CADM2: variants seen among roughly 807,000 people sequenced by gnomAD.
The protein encoded by CADM2 is cell adhesion molecule 2, also known as immunoglobulin superfamily member 4D.
Under a neutral mutation model 49.8 loss-of-function variants are expected in CADM2, and 12 were observed. That is an observed-to-expected ratio of 0.24 (90% CI 0.15 to 0.39). CADM2 has a LOEUF of 0.39. CADM2 is among the 10% of genes least tolerant of loss of function. CADM2 has a pLI of 1.00. For synonymous variants in CADM2, 214 were observed against 175.4 expected (o/e 1.22, Z -1.74); for missense variants, 378 against 492.3 (o/e 0.77, Z 2.20).
rs563359405 is a variant in CADM2 at position 85,079,790 on chromosome 3, G to T, written c.61+120122G>T. ...TAATTAAAATACCTTTAAATTTTAC[G>T]TATATTTGTTATATTAAGACTTACT... On this transcript the variant is annotated intron_variant, in intron 1 of 9. Transcript: ENST00000383699. 5.3e-5 allele frequency among the ~76,000 whole-genome samples: 8 copies of T among 151,838 alleles called. 1 individual carries two copies. The South Asian group carries it at 6.2e-4, about 12-fold the overall frequency.
chr3:85,331,876 A>C (rs1181931367), intron 1 of CADM2, among the ~76,000 whole-genome samples: 1 of 152,054 alleles, frequency 6.6e-6, no homozygotes, highest in African/African-American at 2.4e-5. Flanking sequence ...CCAGTGTATA[A>C]AACCCAGTTA....
chr3:86,038,204 C>G (rs962139452), intron 8 of CADM2, among the ~76,000 whole-genome samples: 10 of 152,134 alleles, frequency 6.6e-5, no homozygotes, highest in African/African-American at 2.4e-4. Flanking sequence ...ACAAAAACTA[C>G]ATTGTTTTCT....
intron 1 of CADM2, among the ~76,000 whole-genome samples, chr3:85,601,218 A>G (rs1423615118): frequency 2.8e-5 from 4 of 145,372 alleles, no homozygotes; most frequent in African/African-American, 1.0e-4. Flanking sequence ...CAAGTGGAAT[A>G]CATGAGGAAT....
At chr3:85,145,349 T>A (rs2107635774) in intron 1 of CADM2, among the ~76,000 whole-genome samples, 1 of 152,302 alleles carries the variant, frequency 6.6e-6, no homozygotes, top group Non-Finnish European at 1.5e-5. Context: ...TCTAATTCCA[T>A]CTATCCATCC....
In CADM2 at chr3:85,291,851, C is replaced by T. The variant is rs1054283963; in HGVS notation, c.61+332183C>T. Reference sequence around the variant, plus strand: ...GCAAAATCATGCCAAAATGTAAAGACCATCGAGACTAGGAAGAAACTGCAT... The same window carrying T: ...GCAAAATCATGCCAAAATGTAAAGATCATCGAGACTAGGAAGAAACTGCAT... On this transcript the variant is annotated intron_variant, in intron 1 of 9. Coordinates refer to ENST00000383699, the MANE Select transcript of CADM2 (RefSeq NM_001167675.2). 1.7e-4 allele frequency among the ~76,000 whole-genome samples: 26 copies of T among 148,880 alleles called. 2 individuals carry two copies. Among genetic ancestry groups the T allele is most frequent in the African/African-American group, 6.5e-4 (25 of 38,602 alleles).
intron 1 of CADM2, among the ~76,000 whole-genome samples, chr3:85,438,364 G>GA (rs35614735): frequency 5.2e-4 from 76 of 145,848 alleles, no homozygotes; most frequent in South Asian, 4.6e-3. Context: ...CGTGGTGTTT[G>GA]AAAAAAAAAA....
At chr3:85,666,824 G>A (rs1219489726) in intron 1 of CADM2, among the ~76,000 whole-genome samples, 1 of 151,892 alleles carries the variant, frequency 6.6e-6, no homozygotes, top group Non-Finnish European at 1.5e-5. Flanking sequence ...AATGGCTGGG[G>A]CAGGAGTTTC....
intron 1 of CADM2, among the ~76,000 whole-genome samples, chr3:85,549,789 A>AT (rs71617942): frequency 0.034 from 4,585 of 134,804 alleles, 129 homozygotes; most frequent in Non-Finnish European, 0.037. Flanking sequence ...ATGCTGGGCT[A>AT]TTTTTTTTTT....
chr3:85,367,831 A>ATG lies in CADM2; in HGVS notation c.62-358690_62-358689insGT, dbSNP rs1169863684. ...CTAGTACATATATATATATACATATATATGTGTGTGTGTGTGTGTGTGTGT... is the reference window on the plus strand; with the variant it reads ...CTAGTACATATATATATATACATATATGTATGTGTGTGTGTGTGTGTGTGTGT... On this transcript the variant is annotated intron_variant, in intron 1 of 9. Transcript: ENST00000383699. 4.0e-4 allele frequency among the ~76,000 whole-genome samples: 26 copies of ATG among 65,274 alleles called. No individual in the cohort carries two copies. The Admixed American group carries it at 4.6e-3, about 12-fold the overall frequency. The allele number at this position is 65,274 out of a possible 152,430, so 42.8% of individuals were successfully genotyped here.
chr3:85,166,459 GAAC>G (rs1359789370), intron 1 of CADM2, among the ~76,000 whole-genome samples: 1 of 151,704 alleles, frequency 6.6e-6, no homozygotes, highest in Non-Finnish European at 1.5e-5. Context: ...AGATTTACAT[GAAC>G]AATAAGAAAC....
At chr3:86,056,807 T>C (rs1444898905) in intron 8 of CADM2, among the ~76,000 whole-genome samples, 4 of 152,194 alleles carry the variant, frequency 2.6e-5, no homozygotes, top group Non-Finnish European at 5.9e-5. Flanking sequence ...ACGTTGTGAA[T>C]AGGAAACTTA....
At chr3:85,602,491 C>A (rs1201776666) in intron 1 of CADM2, among the ~76,000 whole-genome samples, 2 of 151,754 alleles carry the variant, frequency 1.3e-5, no homozygotes, top group Admixed American at 1.3e-4. Flanking sequence ...ACAAATCCAA[C>A]AACTTGCGAC....
At chr3:85,201,143 A>C (rs1010119123) in intron 1 of CADM2, among the ~76,000 whole-genome samples, 1 of 152,102 alleles carries the variant, frequency 6.6e-6, no homozygotes, top group African/African-American at 2.4e-5. Flanking sequence ...AACTTTATGC[A>C]TTTTTCTTTC....
At chr3:85,234,424 G>C (rs535862451) in intron 1 of CADM2, among the ~76,000 whole-genome samples, 1 of 152,186 alleles carries the variant, frequency 6.6e-6, no homozygotes, top group Middle Eastern at 3.4e-3. Context: ...AATTTCCTCA[G>C]CTGTAAAAAG....
At chr3:85,565,353 T>A (rs1260328238) in intron 1 of CADM2, among the ~76,000 whole-genome samples, 1 of 152,118 alleles carries the variant, frequency 6.6e-6, no homozygotes, top group Admixed American at 6.5e-5. Context: ...ATGTAAAAGT[T>A]CCTTCTTTGT....
chr3:84,981,987 G>A (rs2032207865), intron 1 of CADM2, among the ~76,000 whole-genome samples: 1 of 152,098 alleles, frequency 6.6e-6, no homozygotes, highest in African/African-American at 2.4e-5. Context: ...TTTAAGTGAG[G>A]TCCACAGAAA....
At chr3:85,532,668 C>A (rs896675090) in intron 1 of CADM2, among the ~76,000 whole-genome samples, 1 of 152,110 alleles carries the variant, frequency 6.6e-6, no homozygotes, top group Admixed American at 6.6e-5. Flanking sequence ...GGTATGTACC[C>A]AAAGGACTAT....
At chr3:85,940,196 G>A (rs1016952113) in intron 7 of CADM2, among the ~76,000 whole-genome samples, 19 of 145,950 alleles carry the variant, frequency 1.3e-4, no homozygotes, top group Admixed American at 7.0e-4. Flanking sequence ...AAAAATAGCC[G>A]GGCGTGGTGG....
intron 1 of CADM2, among the ~76,000 whole-genome samples, chr3:85,562,217 C>T (rs2062114215): frequency 6.6e-6 from 1 of 152,030 alleles, no homozygotes; most frequent in Admixed American, 6.6e-5. Context: ...GAGTACTTCA[C>T]TCATGTAATC....
Sources: gnomAD v4.1 joint callset for allele counts (sites outside exome capture counted in the v4.1 genomes callset) on GRCh38, gnomAD v4.1.1 for gene constraint, MANE v1.5 for transcripts, NCBI Gene and HGNC (gene_info 2026-07-23, HGNC 2026-07-21) for gene names.